Variants in NEK10 observed in about 807,000 individuals in gnomAD.
The protein encoded by NEK10 is NIMA related kinase 10, also known as serine/threonine-protein kinase Nek10.
In NEK10, 122 loss-of-function variants were observed where a neutral mutation model predicts 159.8. The ratio of observed to expected loss-of-function variants is 0.76; its 90% confidence interval spans 0.66 to 0.89. The LOEUF is 0.89. NEK10 is among the 40% of genes least tolerant of loss of function. The pLI, the probability that NEK10 is intolerant of heterozygous loss-of-function variation, is 0.00. For synonymous variants in NEK10, 466 were observed against 457.1 expected (o/e 1.02, Z -0.25); for missense variants, 1,342 against 1,323.1 (o/e 1.01, Z -0.22).
intron 16 of NEK10, among the ~76,000 whole-genome samples, 171 bp downstream of exon 16, chr3:27,293,417 G>A (rs1401848179): frequency 6.6e-6 from 1 of 152,154 alleles, no homozygotes; most frequent in East Asian, 1.9e-4. Flanking sequence ...GCTGGATACT[G>A]AATCACTACA....
chr3:27,278,486 C>T (rs887968242), intron 22 of NEK10, among the ~76,000 whole-genome samples: 1 of 152,176 alleles, frequency 6.6e-6, no homozygotes, highest in Non-Finnish European at 1.5e-5. Context: ...TTTGAAGAGC[C>T]TTGGAGCCTT....
At position 27,174,650 on chromosome 3, in the gene NEK10, C is replaced by A; in HGVS notation, c.2689G>T (p.Asp897Tyr). ...GTTGACACACTGCCACTAGCAGTACCTTTCTCAGCATTTTCCAGGTTGAAG... is the reference window on the plus strand; with the variant it reads ...GTTGACACACTGCCACTAGCAGTACATTTCTCAGCATTTTCCAGGTTGAAG... ...DNFNLENAEK[D>Y]TYSEVDDELD... is the part of the protein sequence containing the mutation. Residue 897 changes from aspartate to tyrosine, a missense_variant and splice_region_variant, in exon 27 of 36, where the codon GAT becomes TAT. Physicochemically the swap from Asp to Tyr is radical, Grantham distance 160. Transcript: ENST00000691995. 1.2e-6 allele frequency: 2 copies of A among 1,608,792 alleles called. No homozygotes were observed. The highest frequency in any genetic ancestry group is 1.7e-6 in the Non-Finnish European group (2 of 1,177,866).
chr3:27,365,619 T>G (rs866434960), intron 1 of NEK10, among the ~76,000 whole-genome samples: 20 of 137,860 alleles, frequency 1.5e-4, no homozygotes, highest in South Asian at 4.7e-4. Context: ...TGTTTTTTTT[T>G]TTTTTTTTTT....
intron 23 of NEK10, among the ~76,000 whole-genome samples, chr3:27,214,537 T>TTTGC (rs1951302649): frequency 7.0e-6 from 1 of 142,202 alleles, no homozygotes; most frequent in African/African-American, 2.5e-5. Flanking sequence ...GCAGGCAGCT[T>TTTGC]TTACTTTCTT....
intron 1 of NEK10, among the ~76,000 whole-genome samples, chr3:27,365,901 T>C (rs891670205): frequency 6.6e-6 from 1 of 152,094 alleles, no homozygotes; most frequent in African/African-American, 2.4e-5. Context: ...TGGCCATTCC[T>C]GTTTTTTAAA....
chr3:27,232,489 C>T (rs1953404776), intron 23 of NEK10, among the ~76,000 whole-genome samples: 1 of 151,642 alleles, frequency 6.6e-6, no homozygotes, highest in African/African-American at 2.4e-5. Context: ...CCATACTATC[C>T]AAAGCAATAT....
intron 32 of NEK10, 72 bp from the exon 33 acceptor site, chr3:27,119,940 G>T (rs1049622929): frequency 9.0e-7 from 1 of 1,113,114 alleles, no homozygotes; most frequent in Non-Finnish European, 1.4e-6. Context: ...TCTGTGTGGG[G>T]TTTTTCATTT....
At chr3:27,331,982 C>A (rs2046453127) in intron 5 of NEK10, among the ~76,000 whole-genome samples, 1 of 152,108 alleles carries the variant, frequency 6.6e-6, no homozygotes, top group Non-Finnish European at 1.5e-5. Context: ...TAAATGGTTT[C>A]TTCCAACTCA....
At chr3:27,322,047 T>C in intron 6 of NEK10, 130 bp downstream of exon 6, 1 of 575,912 alleles carries the variant, frequency 1.7e-6, no homozygotes, top group Non-Finnish European at 3.1e-6. Flanking sequence ...ACATTCCCCA[T>C]ATATGGAAGC....
rs74836717 is a variant in NEK10, at chr3:27,356,492, G to A, written c.-37-3573C>T. ...GTTACTGCGTTCCAGCCTGAGCAAC[G>A]GCACAAGATCCTGTCTCTTAAAAAT... On this transcript the variant is annotated intron_variant, in intron 1 of 35. Coordinates refer to ENST00000691995, the MANE Select transcript of NEK10 (RefSeq NM_001394966.1). 1.6e-3 allele frequency among the ~76,000 whole-genome samples: 249 copies of A among 152,146 alleles called. 1 individual carries two copies. The highest frequency in any genetic ancestry group is 3.5e-3 in the African/African-American group (145 of 41,514).
chr3:27,323,208 G>A (rs988866229), intron 5 of NEK10, among the ~76,000 whole-genome samples: 22 of 152,134 alleles, frequency 1.4e-4, no homozygotes, highest in African/African-American at 4.8e-4. Context: ...CCCTCAATCC[G>A]AACAGTGGGG....
intron 22 of NEK10, among the ~76,000 whole-genome samples, chr3:27,273,407 A>C (rs1461120728): frequency 6.6e-6 from 1 of 152,190 alleles, no homozygotes; most frequent in East Asian, 1.9e-4. Flanking sequence ...GACATGGTTC[A>C]TTGCTGACAC....
chr3:27,263,066 G>A (rs2040556391), intron 22 of NEK10, among the ~76,000 whole-genome samples: 2 of 152,334 alleles, frequency 1.3e-5, no homozygotes, highest in South Asian at 4.1e-4. Context: ...GTCTGTTGGA[G>A]TTTGCTGGAG....
rs143250647 is a variant in NEK10 at position 27,224,294 on chromosome 3, C to T, written c.2091-21737G>A. Among the ~76,000 whole-genome samples, 6 of 152,338 alleles carry T rather than the reference C, an allele frequency of 3.9e-5. No individual in the cohort carries two copies. The East Asian group carries it at 1.2e-3, about 29-fold the overall frequency. On this transcript the variant is annotated intron_variant, in intron 23 of 35. Transcript: ENST00000691995. ...TCTGGCTTCTTAGGGTGAGGGCTGG[C>T]TTCCAGCATGAGTTCCCTCATGGCA...
intron 23 of NEK10, among the ~76,000 whole-genome samples, chr3:27,243,692 T>C (rs1198989298): frequency 6.6e-6 from 1 of 152,180 alleles, no homozygotes; most frequent in Non-Finnish European, 1.5e-5. Flanking sequence ...CCAGCCCCAA[T>C]GGCCTTTCCC....
Position 27,287,722 on chromosome 3 carries a change from G to A in NEK10, c.1765C>T (p.Arg589Cys), listed in dbSNP as rs35538958. The stretch of plus-strand genomic sequence containing the variant: ...CTTTCCAGAAATGTTTTGTAATAAC[G>A]TACAATGTTGGGATGATAAAGCTAT... ...KEQLYHPNIV[R>C]YYKTFLENDR... The change falls in exon 20 of 36, where the codon CGT becomes TGT. Residue 589 changes from arginine (R) to cysteine (C), a missense_variant. Transcript: ENST00000691995. 167 of 1,562,612 alleles carry A rather than the reference G, an allele frequency of 1.1e-4. No homozygotes were observed. Among genetic ancestry groups the A allele is most frequent in the Non-Finnish European group, 1.4e-4 (159 of 1,160,140 alleles).
chr3:27,173,827 T>G (rs1205758625), intron 28 of NEK10, among the ~76,000 whole-genome samples: 1 of 152,170 alleles, frequency 6.6e-6, no homozygotes, highest in East Asian at 1.9e-4. Flanking sequence ...TTCCATGTAT[T>G]TTATTCTATC....
intron 23 of NEK10, among the ~76,000 whole-genome samples, chr3:27,243,020 T>C (rs1954717843): frequency 1.3e-5 from 2 of 152,212 alleles, no homozygotes; most frequent in African/African-American, 4.8e-5. Flanking sequence ...TTTAACAGTT[T>C]ATTGTCTTGT....
Position 27,302,353 on chromosome 3 carries a change from T to A in NEK10, c.1029-518A>T, listed in dbSNP as rs1360453238. On this transcript the variant is annotated intron_variant, in intron 12 of 35. Transcript: ENST00000691995. ...TCATTGGTCTTTTTCTTCTGCATTA[T>A]ATGTAATTTTTTTCAAGCTTACCCT... Among the ~76,000 whole-genome samples, 3 of 152,192 alleles carry A rather than the reference T, an allele frequency of 2.0e-5. No individual in the cohort carries two copies. The East Asian group carries it at 5.8e-4, about 29-fold the overall frequency.
Sources: gnomAD v4.1 joint callset for allele counts (sites outside exome capture counted in the v4.1 genomes callset) on GRCh38, gnomAD v4.1.1 for gene constraint, MANE v1.5 for transcripts, NCBI Gene and HGNC (gene_info 2026-07-23, HGNC 2026-07-21) for gene names.